The following CRADD variants were observed in gnomAD, a reference collection of about 807,000 sequenced individuals.
CRADD encodes death domain-containing protein CRADD.
Under a neutral mutation model 15.5 loss-of-function variants are expected in CRADD, and 9 were observed. The ratio of observed to expected loss-of-function variants is 0.58; its 90% confidence interval spans 0.35 to 1.01. The LOEUF is 1.01. CRADD is among the 50% of genes least tolerant of loss of function. The probability of loss-of-function intolerance (pLI) is 0.02; values close to 1 mark genes in which losing one functional copy is unlikely to be tolerated. For missense variants in CRADD, 227 were observed against 250.3 expected, an observed-to-expected ratio of 0.91 and a Z score of 0.63; for synonymous variants, 118 against 107.6, an observed-to-expected ratio of 1.10 and a Z score of -0.60.
chr12:93,791,231 C>T (rs1323678327), intron 2 of CRADD, among the ~76,000 whole-genome samples: 1 of 151,994 alleles, frequency 6.6e-6, no homozygotes, highest in Non-Finnish European at 1.5e-5. Context: ...ATGTTCATTG[C>T]AGCATCATTC....
chr12:93,783,079 G>T (rs1262569450), intron 2 of CRADD, among the ~76,000 whole-genome samples: 1 of 152,038 alleles, frequency 6.6e-6, no homozygotes, highest in African/African-American at 2.4e-5. Flanking sequence ...AATTTGTATA[G>T]CCTGGGGAGA....
At chr12:93,717,740 C>G (rs1197744979) in intron 2 of CRADD, among the ~76,000 whole-genome samples, 1 of 152,128 alleles carries the variant, frequency 6.6e-6, no homozygotes, top group Admixed American at 6.5e-5. Context: ...AGGCAGGTCT[C>G]AAACTCCTGA....
chr12:93,783,244 T>TATA (rs1181609718), intron 2 of CRADD, among the ~76,000 whole-genome samples: 3 of 146,618 alleles, frequency 2.0e-5, no homozygotes, highest in Non-Finnish European at 4.5e-5. Flanking sequence ...TTATTATTAT[T>TATA]ATTATTATTA....
At chr12:93,840,215 CT>C (rs2137039230) in intron 2 of CRADD, among the ~76,000 whole-genome samples, 1 of 152,332 alleles carries the variant, frequency 6.6e-6, no homozygotes, top group East Asian at 1.9e-4. Flanking sequence ...AACAGGGACT[CT>C]CCTTTTAGTC....
At chr12:93,780,741 CT>C (rs1344435534) in intron 2 of CRADD, among the ~76,000 whole-genome samples, 269 of 143,286 alleles carry the variant, frequency 1.9e-3, no homozygotes, top group Middle Eastern at 3.7e-3. Context: ...TCTTGATTAC[CT>C]TTTTTTTTTT....
At chr12:93,852,439 A>G (rs143950223), downstream of CRADD, among the ~76,000 whole-genome samples, 499 of 152,368 alleles carry the variant, frequency 3.3e-3, 3 homozygotes, top group African/African-American at 0.012. Flanking sequence ...GATGGGCCAG[A>G]CAGACAGGGC....
chr12:93,772,365 A>G (rs776429431), intron 2 of CRADD, among the ~76,000 whole-genome samples: 5 of 152,214 alleles, frequency 3.3e-5, no homozygotes, highest in African/African-American at 1.2e-4. Flanking sequence ...GCCCTTTACA[A>G]AAGAGGCAAT....
chr12:93,725,710 A>G (rs184960249), intron 2 of CRADD, among the ~76,000 whole-genome samples: 2 of 152,352 alleles, frequency 1.3e-5, no homozygotes, highest in African/African-American at 4.8e-5. Flanking sequence ...ATTAAACAGT[A>G]AGGGTCTATT....
At chr12:93,796,420 C>A (rs1001689448) in intron 2 of CRADD, among the ~76,000 whole-genome samples, 3 of 151,946 alleles carry the variant, frequency 2.0e-5, no homozygotes, top group Non-Finnish European at 4.4e-5. Context: ...GCCTGGGCAA[C>A]ATGGTGAAAC....
intron 2 of CRADD, among the ~76,000 whole-genome samples, chr12:93,685,080 G>T (rs1236205709): frequency 6.6e-6 from 1 of 152,180 alleles, no homozygotes; most frequent in Non-Finnish European, 1.5e-5. Flanking sequence ...TTTCAGTTCG[G>T]TAAGAATGAT....
intron 2 of CRADD, among the ~76,000 whole-genome samples, chr12:93,683,168 A>G (rs946517103): frequency 6.6e-5 from 10 of 151,988 alleles, no homozygotes; most frequent in African/African-American, 2.2e-4. Flanking sequence ...CTGGATCTGG[A>G]AAGGAGGTTG....
intron 2 of CRADD, among the ~76,000 whole-genome samples, chr12:93,829,124 C>T (rs1957859286): frequency 7.0e-6 from 1 of 142,800 alleles, no homozygotes; most frequent in East Asian, 1.9e-4. Context: ...TATGATTTCA[C>T]CTTTTTTTTT....
chr12:93,786,300 C>A (rs1592989101), intron 2 of CRADD, among the ~76,000 whole-genome samples: 1 of 152,148 alleles, frequency 6.6e-6, no homozygotes, highest in African/African-American at 2.4e-5. Context: ...CTTAGCTCTG[C>A]CCTCTAAGGA....
At chr12:93,685,024 T>C (rs1452234944) in intron 2 of CRADD, among the ~76,000 whole-genome samples, 8 of 152,234 alleles carry the variant, frequency 5.3e-5, no homozygotes, top group Non-Finnish European at 1.2e-4. Flanking sequence ...TGGGATTAAG[T>C]AATATTGAAT....
At chr12:93,749,169 T>C (rs1366607841) in intron 2 of CRADD, among the ~76,000 whole-genome samples, 15 of 152,156 alleles carry the variant, frequency 9.9e-5, no homozygotes. Context: ...GTGAGGGCTG[T>C]CAGAGGAAGT....
chr12:93,858,401 A>G (rs73225058), intron 2 of CRADD, among the ~76,000 whole-genome samples: 2 of 152,334 alleles, frequency 1.3e-5, no homozygotes, highest in Non-Finnish European at 2.9e-5. Flanking sequence ...GTCCTTGGCA[A>G]TTAGCCAGTT....
At chr12:93,831,771 G>A (rs1047541062) in intron 2 of CRADD, among the ~76,000 whole-genome samples, 16 of 152,214 alleles carry the variant, frequency 1.1e-4, no homozygotes, top group African/African-American at 3.9e-4. Flanking sequence ...AGCGTCTTTG[G>A]GTAGACCCTG....
At chr12:93,821,579 A>G (rs1037016777) in intron 2 of CRADD, among the ~76,000 whole-genome samples, 1 of 152,222 alleles carries the variant, frequency 6.6e-6, no homozygotes, top group East Asian at 1.9e-4. Context: ...TGTTTTGCTT[A>G]TATCTGTTGC....
intron 2 of CRADD, among the ~76,000 whole-genome samples, chr12:93,804,883 C>T (rs1171616975): frequency 6.6e-6 from 1 of 151,962 alleles, no homozygotes; most frequent in Non-Finnish European, 1.5e-5. Flanking sequence ...CTTGCATTAC[C>T]CTCCCTGATC....
Sources: gnomAD v4.1 joint callset for allele counts (sites outside exome capture counted in the v4.1 genomes callset) on GRCh38, gnomAD v4.1.1 for gene constraint, MANE v1.5 for transcripts, NCBI Gene and HGNC (gene_info 2026-07-23, HGNC 2026-07-21) for gene names.